The following GABRA2 variants were observed in gnomAD, a reference collection of about 807,000 sequenced individuals.
GABRA2 encodes the protein gamma-aminobutyric acid receptor subunit alpha-2.
Under a neutral mutation model 48.7 loss-of-function variants are expected in GABRA2, and 16 were observed. The ratio of observed to expected loss-of-function variants is 0.33; its 90% CI spans 0.22 to 0.50. GABRA2 has a LOEUF of 0.50. Ranked by LOEUF, GABRA2 falls within the 20% of genes least tolerant of loss-of-function variation. The pLI, the probability that GABRA2 is intolerant of heterozygous loss-of-function variation, is 0.98. For synonymous variants in GABRA2, 185 were observed against 184.5 expected, an observed-to-expected ratio of 1.00 and a Z score of -0.02; for missense variants, 275 against 535.6, an observed-to-expected ratio of 0.51 and a Z score of 4.80.
chr4:46,276,834 T>C (rs1176677702), intron 8 of GABRA2, among the ~76,000 whole-genome samples: 1 of 152,078 alleles, frequency 6.6e-6, no homozygotes, highest in East Asian at 1.9e-4. Flanking sequence ...TGAGTTAATC[T>C]GAAGTGTCTA....
chr4:46,250,714 C>A, intron 9 of GABRA2, 110 bp from the exon 10 acceptor site: 1 of 749,990 alleles, frequency 1.3e-6, no homozygotes, highest in Non-Finnish European at 2.1e-6. Flanking sequence ...AATCATCATG[C>A]ATTAGCAAAA....
intron 3 of GABRA2, among the ~76,000 whole-genome samples, chr4:46,358,867 C>T (rs1712663583): frequency 6.6e-6 from 1 of 152,152 alleles, no homozygotes; most frequent in Non-Finnish European, 1.5e-5. Context: ...CTTGACTAAC[C>T]ATCTGTGATC....
At chr4:46,359,260 A>G (rs1015035305) in intron 3 of GABRA2, among the ~76,000 whole-genome samples, 1 of 152,176 alleles carries the variant, frequency 6.6e-6, no homozygotes, top group Admixed American at 6.5e-5. Flanking sequence ...TATCCAACAC[A>G]TTCTACTTTC....
chr4:46,316,006 A>T (rs1335700605), intron 4 of GABRA2, among the ~76,000 whole-genome samples: 1 of 151,896 alleles, frequency 6.6e-6, no homozygotes, highest in Non-Finnish European at 1.5e-5. Flanking sequence ...TCATATACAC[A>T]GTATCATACC....
At chr4:46,285,428 A>C (rs1359766785) in intron 8 of GABRA2, among the ~76,000 whole-genome samples, 1 of 152,050 alleles carries the variant, frequency 6.6e-6, no homozygotes, top group Non-Finnish European at 1.5e-5. Flanking sequence ...CCTTCTGCTG[A>C]TTGTAAGTTA....
chr4:46,378,501 A>G (rs1716292491), intron 3 of GABRA2, among the ~76,000 whole-genome samples: 1 of 151,768 alleles, frequency 6.6e-6, no homozygotes, highest in Non-Finnish European at 1.5e-5. Context: ...AATCTCAAGT[A>G]CCCAGGGACA....
At chr4:46,293,225 C>T (rs1724002276) in intron 8 of GABRA2, among the ~76,000 whole-genome samples, 1 of 152,120 alleles carries the variant, frequency 6.6e-6, no homozygotes, top group Non-Finnish European at 1.5e-5. Flanking sequence ...AACAGAGAAT[C>T]ATGGTGCCTC....
At chr4:46,292,908 A>T (rs1723943629) in intron 8 of GABRA2, among the ~76,000 whole-genome samples, 1 of 152,200 alleles carries the variant, frequency 6.6e-6, no homozygotes, top group South Asian at 2.1e-4. Flanking sequence ...GTCAGATCTA[A>T]CAGTGACAAT....
At chr4:46,274,990 C>T (rs1343410845) in intron 8 of GABRA2, among the ~76,000 whole-genome samples, 1 of 152,024 alleles carries the variant, frequency 6.6e-6, no homozygotes, top group African/African-American at 2.4e-5. Flanking sequence ...TAAATGGATG[C>T]CTAGGAAGCA....
At chr4:46,256,483 G>GT (rs951929683) in intron 9 of GABRA2, 308 of 404,160 alleles carry the variant, frequency 7.6e-4, no homozygotes, top group Admixed American at 2.3e-3. Context: ...TAAAACATTT[G>GT]TTTTTTCAAA....
chr4:46,317,593 A>G (rs1728755128), intron 4 of GABRA2, among the ~76,000 whole-genome samples: 1 of 151,700 alleles, frequency 6.6e-6, no homozygotes, highest in Admixed American at 6.6e-5. Context: ...TACAATACTT[A>G]TTTTTGATTA....
intron 3 of GABRA2, among the ~76,000 whole-genome samples, chr4:46,347,114 T>C (rs1734269733): frequency 6.6e-6 from 1 of 151,954 alleles, no homozygotes; most frequent in African/African-American, 2.4e-5. Context: ...AATGAAAAGA[T>C]ACCTTATGTT....
At chr4:46,352,201 T>A (rs933056604) in intron 3 of GABRA2, among the ~76,000 whole-genome samples, 4 of 152,004 alleles carry the variant, frequency 2.6e-5, no homozygotes, top group African/African-American at 9.7e-5. Flanking sequence ...GCACTTCTTG[T>A]AATGAAAACA....
chr4:46,321,370 GA>G lies in GABRA2; in HGVS notation c.256-8655del, dbSNP rs564124871. ...ACTGGAAATGTAAGTGCTCTTACTG[GA>G]AAAAAAGTAAACTATGCAAGATGAT... On this transcript the variant is annotated intron_variant, in intron 4 of 9. Coordinates refer to ENST00000381620, the MANE Select transcript of GABRA2 (RefSeq NM_000807.4). Among the ~76,000 whole-genome samples the G allele has an allele frequency of 1.1e-4, 17 of 151,836 alleles. No individual in the cohort carries two copies. The South Asian group carries it at 3.1e-3, about 28-fold the overall frequency.
At chr4:46,347,116 C>T (rs1734270772) in intron 3 of GABRA2, among the ~76,000 whole-genome samples, 1 of 151,720 alleles carries the variant, frequency 6.6e-6, no homozygotes, top group African/African-American at 2.4e-5. Context: ...TGAAAAGATA[C>T]CTTATGTTCA....
intron 2 of GABRA2, among the ~76,000 whole-genome samples, chr4:46,387,667 A>G (rs1717654308): frequency 6.6e-6 from 1 of 152,158 alleles, no homozygotes; most frequent in Non-Finnish European, 1.5e-5. Flanking sequence ...ATATGTAGTC[A>G]TTAAATTAGT....
intron 4 of GABRA2, among the ~76,000 whole-genome samples, chr4:46,325,840 C>T (rs1055077631): frequency 1.3e-5 from 2 of 151,910 alleles, no homozygotes; most frequent in Admixed American, 1.3e-4. Flanking sequence ...GAGTCCTTAC[C>T]CCACTGCTTG....
chr4:46,344,620 GGA>G (rs1052142132), intron 3 of GABRA2, among the ~76,000 whole-genome samples: 2 of 151,722 alleles, frequency 1.3e-5, no homozygotes, highest in African/African-American at 4.8e-5. Flanking sequence ...TGAATATACA[GGA>G]GAGAGAAAAG....
chr4:46,332,064 G>C (rs1234199948), intron 4 of GABRA2, among the ~76,000 whole-genome samples: 1 of 152,072 alleles, frequency 6.6e-6, no homozygotes, highest in Non-Finnish European at 1.5e-5. Context: ...CAGTTCCATA[G>C]AATCCAAGAG....
Sources: gnomAD v4.1 joint callset for allele counts (sites outside exome capture counted in the v4.1 genomes callset) on GRCh38, gnomAD v4.1.1 for gene constraint, MANE v1.5 for transcripts, NCBI Gene and HGNC (gene_info 2026-07-23, HGNC 2026-07-21) for gene names.